SAMD12: variants seen among roughly 807,000 people sequenced by gnomAD.
SAMD12 encodes sterile alpha motif domain-containing protein 12.
Under a neutral mutation model 15.0 loss-of-function variants are expected in SAMD12, and 9 were observed. The observed-to-expected ratio is 0.60, with a 90% CI of 0.36 to 1.05. The LOEUF (loss-of-function observed/expected upper bound fraction) is 1.05, where lower values mean the gene tolerates loss of function less well. Among genes scored for constraint, SAMD12 ranks in the 50% least tolerant of loss-of-function variants. The pLI, the probability that SAMD12 is intolerant of heterozygous loss-of-function variation, is 0.01. For synonymous variants in SAMD12, 86 were observed against 90.1 expected (o/e 0.96, Z 0.25); for missense variants, 230 against 234.2 (o/e 0.98, Z 0.12).
At chr8:118,173,839 A>T in the SAMD12 span, among the ~76,000 whole-genome samples, 2 of 152,020 alleles carry the variant, frequency 1.3e-5, no homozygotes, top group African/African-American at 4.8e-5. Context: ...CATGTTGGCC[A>T]GGCTAGTCTT....
At chr8:118,157,773 C>T in the SAMD12 span, among the ~76,000 whole-genome samples, 3 of 152,158 alleles carry the variant, frequency 2.0e-5, no homozygotes, top group Non-Finnish European at 4.4e-5. Context: ...GGAGGACTTC[C>T]ACTTATAGCC....
Position 118,450,838 on chromosome 8 carries a change from A to C in SAMD12, c.193-10877T>G, listed in dbSNP as rs140142935. On this transcript the variant is annotated intron_variant, in intron 2 of 3. Transcript: ENST00000314727. ...GGCCAGGTTTCTGAGATATATTTCC[A>C]AGAGGCTTGGCATGCATTTGCACTC... Among the ~76,000 whole-genome samples the C allele has an allele frequency of 2.7e-3, 413 of 152,246 alleles. 1 individual carries two copies. Among genetic ancestry groups the C allele is most frequent in the Non-Finnish European group, 4.1e-3 (280 of 68,006 alleles).
intron 2 of SAMD12, among the ~76,000 whole-genome samples, chr8:118,564,341 A>T (rs1826790569): frequency 6.6e-6 from 1 of 152,198 alleles, no homozygotes; most frequent in South Asian, 2.1e-4. Flanking sequence ...GAGGAAAGCA[A>T]GAACCACATG....
At chr8:118,394,944 C>T (rs1324156276) in intron 3 of SAMD12, 2 of 152,194 alleles carry the variant, frequency 1.3e-5, no homozygotes, top group Non-Finnish European at 2.9e-5. Context: ...TAAGGGGATG[C>T]TCTGTGGAGT....
intron 4 of SAMD12, among the ~76,000 whole-genome samples, chr8:118,348,982 C>T (rs1173760035): frequency 1.3e-5 from 2 of 152,172 alleles, no homozygotes; most frequent in African/African-American, 2.4e-5. Flanking sequence ...GGACCGAGGC[C>T]AAGAACAGAA....
chr8:118,401,751 G>A (rs116087493), intron 3 of SAMD12, among the ~76,000 whole-genome samples: 165 of 152,214 alleles, frequency 1.1e-3, no homozygotes, highest in African/African-American at 3.8e-3. Flanking sequence ...CACTTTTAAA[G>A]TGAGTTAAGT....
chr8:118,168,363 T>A, the SAMD12 span, among the ~76,000 whole-genome samples: 2 of 152,166 alleles, frequency 1.3e-5, no homozygotes, highest in African/African-American at 4.8e-5. Context: ...CACATTCCAG[T>A]GACCACATAG....
the SAMD12 span, among the ~76,000 whole-genome samples, chr8:118,151,672 CA>C: frequency 6.6e-6 from 1 of 150,888 alleles, no homozygotes; most frequent in African/African-American, 2.4e-5. Context: ...ACTAAAAATA[CA>C]AAAAAAATTA....
chr8:118,355,562 G>A (rs1818189129), intron 4 of SAMD12, among the ~76,000 whole-genome samples: 1 of 152,112 alleles, frequency 6.6e-6, no homozygotes, highest in South Asian at 2.1e-4. Context: ...TTAACGCAAA[G>A]GTATAGAGCA....
At chr8:118,277,466 C>A (rs909574029) in intron 4 of SAMD12, among the ~76,000 whole-genome samples, 2 of 151,912 alleles carry the variant, frequency 1.3e-5, no homozygotes, top group Middle Eastern at 3.4e-3. Flanking sequence ...TTGCCAGAAA[C>A]AGAAGACTAT....
At chr8:118,590,362 A>G (rs1276772588) in intron 1 of SAMD12, among the ~76,000 whole-genome samples, 1 of 152,228 alleles carries the variant, frequency 6.6e-6, no homozygotes, top group Admixed American at 6.5e-5. Flanking sequence ...TAGGGAGTCC[A>G]GGTTTCCATC....
Position 118,379,133 on chromosome 8 carries a change from T to C in SAMD12, c.*284A>G, listed in dbSNP as rs1416939477. ...CTTATATCACTGGTCATCGTAACTA[T>C]TGAATCACTCAAATGCTAAAGCGCC... On this transcript the variant is annotated 3_prime_UTR_variant, in exon 4 of 4. Transcript: ENST00000314727. The C allele has an allele frequency of 1.6e-5, 19 of 1,167,774 alleles. No individual in the cohort carries two copies. The highest frequency in any genetic ancestry group is 1.3e-4 in the South Asian group (4 of 30,606). 72.3% of individuals were successfully genotyped at this position (1,167,774 alleles called of 1,614,324 possible).
intron 2 of SAMD12, among the ~76,000 whole-genome samples, chr8:118,579,405 C>A (rs1483335784): frequency 6.6e-6 from 1 of 152,108 alleles, no homozygotes; most frequent in African/African-American, 2.4e-5. Context: ...CATTGATCAT[C>A]AGCCAGTAAA....
the SAMD12 span, among the ~76,000 whole-genome samples, chr8:118,181,776 C>T: frequency 2.6e-5 from 4 of 152,094 alleles, no homozygotes; most frequent in East Asian, 3.9e-4. Flanking sequence ...CACTAGCAGC[C>T]GAAAGAGTCC....
intron 4 of SAMD12, among the ~76,000 whole-genome samples, chr8:118,274,886 T>A (rs992131631): frequency 6.6e-6 from 1 of 152,176 alleles, no homozygotes; most frequent in Non-Finnish European, 1.5e-5. Context: ...ATTTTCAGTT[T>A]ACAGCTATGA....
intron 4 of SAMD12, among the ~76,000 whole-genome samples, chr8:118,276,806 G>T (rs1214139030): frequency 6.6e-6 from 1 of 152,090 alleles, no homozygotes; most frequent in East Asian, 1.9e-4. Flanking sequence ...CCAATTAACT[G>T]GGATTACAGG....
At chr8:118,271,524 A>C (rs1289350084) in intron 4 of SAMD12, among the ~76,000 whole-genome samples, 1 of 152,128 alleles carries the variant, frequency 6.6e-6, no homozygotes, top group East Asian at 1.9e-4. Context: ...AGAGTCCCCC[A>C]AAGTCTTAAC....
intron 2 of SAMD12, among the ~76,000 whole-genome samples, chr8:118,529,733 T>C (rs911011286): frequency 6.6e-6 from 1 of 152,224 alleles, no homozygotes; most frequent in East Asian, 1.9e-4. Context: ...TTTATTCTTT[T>C]TTATGGCTGA....
At chr8:118,240,272 C>T (rs1191694736) in intron 4 of SAMD12, among the ~76,000 whole-genome samples, 1 of 152,178 alleles carries the variant, frequency 6.6e-6, no homozygotes, top group Non-Finnish European at 1.5e-5. Context: ...TCAAGAAAGA[C>T]TGCATCAGAA....
Sources: allele counts gnomAD v4.1 joint callset (sites outside exome capture counted in the v4.1 genomes callset), GRCh38; gene constraint gnomAD v4.1.1; transcripts MANE v1.5; gene names NCBI Gene and HGNC (gene_info 2026-07-23, HGNC 2026-07-21).